Variants in ZNF804A observed in about 807,000 individuals in gnomAD.
The protein encoded by ZNF804A is zinc finger protein 804A.
A neutral mutation model predicts 16.5 loss-of-function variants in ZNF804A; 2 were observed. The observed-to-expected ratio is 0.12, with a 90% CI of 0.05 to 0.38. The LOEUF is 0.38. ZNF804A is among the 10% of genes least tolerant of loss of function. ZNF804A has a pLI of 0.99. For missense variants in ZNF804A, 1,473 were observed against 1,390.7 expected (o/e 1.06, Z -0.94); for synonymous variants, 534 against 489.6 (o/e 1.09, Z -1.20).
At chr2:184,682,806 A>G (rs573947563) in intron 1 of ZNF804A, among the ~76,000 whole-genome samples, 1 of 152,306 alleles carries the variant, frequency 6.6e-6, no homozygotes, top group South Asian at 2.1e-4. Context: ...CAGGAGTTCA[A>G]GACCAGCCTG....
chr2:184,840,380 T>C (rs374685871), intron 1 of ZNF804A, among the ~76,000 whole-genome samples: 6 of 152,030 alleles, frequency 3.9e-5, no homozygotes, highest in Admixed American at 2.6e-4. Context: ...TGAGACTCTG[T>C]CTCAAAACAA....
intron 1 of ZNF804A, among the ~76,000 whole-genome samples, chr2:184,696,921 G>GA (rs902215269): frequency 1.3e-5 from 2 of 151,064 alleles, no homozygotes; most frequent in Non-Finnish European, 3.0e-5. Context: ...CAAATGTAAC[G>GA]AAAAAAAATC....
chr2:184,760,147 C>T (rs1484641578), intron 1 of ZNF804A, among the ~76,000 whole-genome samples: 1 of 152,092 alleles, frequency 6.6e-6, no homozygotes, highest in Non-Finnish European at 1.5e-5. Flanking sequence ...TCAGTTACTT[C>T]AGGCCATCTG....
intron 1 of ZNF804A, among the ~76,000 whole-genome samples, chr2:184,601,074 C>A (rs184394116): frequency 6.6e-6 from 1 of 152,014 alleles, no homozygotes; most frequent in Admixed American, 6.5e-5. Context: ...GATTTTAAAA[C>A]GGCCCAAGTT....
chr2:184,910,275 G>A (rs893314450), intron 2 of ZNF804A, among the ~76,000 whole-genome samples: 1 of 151,886 alleles, frequency 6.6e-6, no homozygotes, highest in Non-Finnish European at 1.5e-5. Context: ...GCCTCCAGCT[G>A]CATTCATGTT....
intron 1 of ZNF804A, among the ~76,000 whole-genome samples, chr2:184,663,629 G>C (rs1051369244): frequency 6.6e-6 from 1 of 152,160 alleles, no homozygotes; most frequent in African/African-American, 2.4e-5. Context: ...GGGCCAGGCT[G>C]TCAGTTCTGG....
intron 1 of ZNF804A, among the ~76,000 whole-genome samples, chr2:184,753,908 T>C (rs1264385271): frequency 6.6e-6 from 1 of 151,896 alleles, no homozygotes; most frequent in Admixed American, 6.6e-5. Context: ...AGATATCCAA[T>C]TAAATTTGAA....
At chr2:184,912,570 A>G (rs897867758) in intron 2 of ZNF804A, among the ~76,000 whole-genome samples, 2 of 152,098 alleles carry the variant, frequency 1.3e-5, no homozygotes, top group African/African-American at 4.8e-5. Context: ...GCCAACAGCA[A>G]TTAACTAGCG....
At chr2:184,934,726 G>A (rs1200832991) in intron 3 of ZNF804A, among the ~76,000 whole-genome samples, 1 of 151,994 alleles carries the variant, frequency 6.6e-6, no homozygotes, top group Non-Finnish European at 1.5e-5. Context: ...AAGTGAACTA[G>A]AGCTAATAAT....
intron 2 of ZNF804A, among the ~76,000 whole-genome samples, chr2:184,921,849 G>C (rs1047753607): frequency 4.6e-5 from 7 of 151,926 alleles, no homozygotes; most frequent in Non-Finnish European, 8.8e-5. Flanking sequence ...ATCTCCCATA[G>C]ATAAGTGAGA....
At chr2:184,876,793 A>C (rs1330778892) in intron 2 of ZNF804A, among the ~76,000 whole-genome samples, 8 of 152,062 alleles carry the variant, frequency 5.3e-5, no homozygotes, top group African/African-American at 1.9e-4. Flanking sequence ...ATGGCTGTCT[A>C]TTGACTCAGC....
At chr2:184,883,966 G>T (rs1259212037) in intron 2 of ZNF804A, among the ~76,000 whole-genome samples, 1 of 151,970 alleles carries the variant, frequency 6.6e-6, no homozygotes. Context: ...GAGCATTCAG[G>T]CCAGAGAAAG....
intron 1 of ZNF804A, among the ~76,000 whole-genome samples, chr2:184,746,616 G>C (rs1693793817): frequency 6.6e-6 from 1 of 151,028 alleles, no homozygotes; most frequent in South Asian, 2.1e-4. Flanking sequence ...TAATCACTCT[G>C]TTGTGCTATT....
chr2:184,717,586 A>G (rs1416044614), intron 1 of ZNF804A, among the ~76,000 whole-genome samples: 1 of 152,210 alleles, frequency 6.6e-6, no homozygotes, highest in East Asian at 1.9e-4. Context: ...CATCCATTAC[A>G]AGAACTGTGG....
chr2:184,901,415 A>G (rs1685180388), intron 2 of ZNF804A, among the ~76,000 whole-genome samples: 1 of 152,188 alleles, frequency 6.6e-6, no homozygotes, highest in Non-Finnish European at 1.5e-5. Flanking sequence ...AAAGTCATCC[A>G]CTGCAAAAGT....
intron 1 of ZNF804A, among the ~76,000 whole-genome samples, chr2:184,686,232 C>T (rs1012275058): frequency 7.9e-5 from 12 of 152,190 alleles, no homozygotes; most frequent in Non-Finnish European, 1.3e-4. Context: ...CACTAGGGAG[C>T]CTGGGGCTCC....
chr2:184,647,707 G>A (rs1055909701), intron 1 of ZNF804A, among the ~76,000 whole-genome samples: 2 of 152,056 alleles, frequency 1.3e-5, no homozygotes, highest in Admixed American at 6.6e-5. Flanking sequence ...TTTTTAAAAA[G>A]AATAAATTCT....
intron 1 of ZNF804A, among the ~76,000 whole-genome samples, chr2:184,764,703 T>A (rs1694089700): frequency 1.3e-5 from 2 of 152,142 alleles, no homozygotes; most frequent in African/African-American, 4.8e-5. Context: ...CTTTAAGAAA[T>A]AAAAGCATGA....
intron 1 of ZNF804A, among the ~76,000 whole-genome samples, chr2:184,787,778 A>G (rs1305266454): frequency 6.7e-6 from 1 of 149,492 alleles, no homozygotes; most frequent in Non-Finnish European, 1.5e-5. Context: ...ATAATTTGTA[A>G]ATATTTTCTC....
Sources: gnomAD v4.1 joint callset for allele counts (sites outside exome capture counted in the v4.1 genomes callset) on GRCh38, gnomAD v4.1.1 for gene constraint, MANE v1.5 for transcripts, NCBI Gene and HGNC (gene_info 2026-07-23, HGNC 2026-07-21) for gene names.